Variants in SNRPB observed in about 807,000 individuals in gnomAD.
SNRPB encodes the protein small nuclear ribonucleoprotein polypeptides B and B1.
A neutral mutation model predicts 26.6 loss-of-function variants in SNRPB; 5 were observed. That is an observed-to-expected ratio of 0.19 (90% CI 0.10 to 0.39). SNRPB has a LOEUF of 0.39. Among genes scored for constraint, SNRPB ranks in the 10% least tolerant of loss-of-function variants. The pLI is 1.00. For missense variants in SNRPB, 211 were observed against 311.9 expected (o/e 0.68, Z 2.44); for synonymous variants, 122 against 105.8 (o/e 1.15, Z -0.94).
chr20:2,462,811 G>T, intron 5 of SNRPB, 50 bp from the exon 6 acceptor site: 1 of 1,466,580 alleles, frequency 6.8e-7, no homozygotes, highest in South Asian at 1.4e-5. Flanking sequence ...ATCTTGAAAA[G>T]GTAGCAAAAA....
At chr20:2,466,095 G>A (rs895723423) in intron 2 of SNRPB, among the ~76,000 whole-genome samples, 5 of 152,110 alleles carry the variant, frequency 3.3e-5, no homozygotes, top group Admixed American at 6.5e-5. Flanking sequence ...CACAGCAACC[G>A]TGAAGGCCCT....
intron 5 of SNRPB, 147 bp from the exon 6 acceptor site, chr20:2,462,908 C>A: frequency 1.1e-6 from 1 of 943,016 alleles, no homozygotes; most frequent in East Asian, 2.5e-5. Flanking sequence ...TTGAGCCTAA[C>A]ACCCAGGGCT....
intron 3 of SNRPB, among the ~76,000 whole-genome samples, chr20:2,464,574 G>C (rs1483312268): frequency 2.0e-5 from 3 of 152,152 alleles, no homozygotes; most frequent in East Asian, 3.8e-4. Context: ...TAAAAGTGTT[G>C]AGCAACTAGA....
At position 2,470,499 on chromosome 20, in the gene SNRPB, CT is replaced by C. The variant is rs1034766536; in HGVS notation, c.3+188del. On this transcript the variant is annotated intron_variant, in intron 1 of 6. Transcript: ENST00000381342. ...CTCGGCCTCCGACACCGGTTCCAAC[CT>C]TTTCCTCGACCCCATGCCTAGCCGA... Among the ~76,000 whole-genome samples, 6 of 152,310 alleles carry C rather than the reference CT, an allele frequency of 3.9e-5. No homozygotes were observed. The South Asian group carries it at 1.0e-3, about 26-fold the overall frequency.
Position 2,463,122 on chromosome 20 carries a change from G to A in SNRPB, c.526C>T (p.Pro176Ser), listed in dbSNP as rs373871174. 3 of 1,602,982 alleles carry A rather than the reference G, an allele frequency of 1.9e-6. No homozygotes were observed. The highest frequency in any genetic ancestry group is 1.7e-4 in the Middle Eastern group (1 of 6,004). ...TQYPPGRGGP[P>S]PPMGRGAPPP... ...GGTGCTCCTCGGCCCATAGGTGGGG[G>A]AGGACCCCCACGGCCAGGTGGGTAC... Residue 176 changes from proline to serine, a missense_variant, in exon 5 of 7, where the codon CCC (proline) becomes TCC (serine). Physicochemically the swap from Pro to Ser is moderately conservative, Grantham distance 74 (BLOSUM62 -1). Coordinates refer to ENST00000381342, the MANE Select transcript of SNRPB (RefSeq NM_003091.4). The surrounding 1 kb of genome is among the most constrained non-coding windows in gnomAD (Gnocchi z 5.0).
intron 5 of SNRPB, 83 bp from the exon 6 acceptor site, chr20:2,462,844 T>C: frequency 8.1e-7 from 1 of 1,231,034 alleles, no homozygotes; most frequent in Non-Finnish European, 1.1e-6. Flanking sequence ...TTCCACCAAG[T>C]TCTGAGATAG....
Position 2,463,880 on chromosome 20 carries a change from G to A in SNRPB, c.287C>T (p.Pro96Leu), listed in dbSNP as rs766877427. 2 of 1,613,428 alleles carry A rather than the reference G, an allele frequency of 1.2e-6. No individual in the cohort carries two copies. Among genetic ancestry groups the A allele is most frequent in the Non-Finnish European group, 1.7e-6 (2 of 1,179,688 alleles). Reference sequence around the variant, plus strand: ...TGGGCCCCCGGCAGCTCCAGCAAGTGGAACTCGAGCAATACCAGTCTGAAA... The same window carrying A: ...TGGGCCCCCGGCAGCTCCAGCAAGTAGAACTCGAGCAATACCAGTCTGAAA... ...PPKDTGIARV[P>L]LAGAAGGPGI... The change falls in exon 4 of 7, where the codon CCA becomes CTA. Residue 96 changes from proline (P) to leucine (L), a missense_variant. By Grantham distance (98) the Pro-to-Leu change is moderately conservative. Coordinates refer to ENST00000381342, the MANE Select transcript of SNRPB (RefSeq NM_003091.4). The surrounding 1 kb of genome is among the most constrained non-coding windows in gnomAD (Gnocchi z 5.0).
rs2085087693 is a variant in SNRPB, at chr20:2,468,302, GAGGGAAACTTCTGATGGTT to G, written c.4-563_4-545del. On this transcript the variant is annotated intron_variant, in intron 1 of 6. Coordinates refer to ENST00000381342, the MANE Select transcript of SNRPB (RefSeq NM_003091.4). ...TGTGCCTCCAAGACTATATTTGGCA[GAGGGAAACTTCTGATGGTT>G]AGGGTGCTAACCAGTTTGGACATAT... 3.9e-5 allele frequency among the ~76,000 whole-genome samples: 6 copies of G among 152,328 alleles called. No individual in the cohort carries two copies. The South Asian group carries it at 1.2e-3, about 32-fold the overall frequency.
At chr20:2,461,996 C>T in intron 6 of SNRPB, 57 bp from the exon 7 acceptor site, 1 of 1,270,956 alleles carries the variant, frequency 7.9e-7, no homozygotes. Flanking sequence ...AATCCCCAAC[C>T]CTGCCCCAGC....
At chr20:2,462,911 C>T (rs2085045836) in intron 5 of SNRPB, 150 bp from the exon 6 acceptor site, 2 of 937,180 alleles carry the variant, frequency 2.1e-6, no homozygotes, top group Non-Finnish European at 3.2e-6. Flanking sequence ...AGCCTAACAC[C>T]CAGGGCTCCC....
chr20:2,465,470 A>G (rs2085066750), intron 3 of SNRPB, among the ~76,000 whole-genome samples: 1 of 148,112 alleles, frequency 6.8e-6, no homozygotes, highest in Non-Finnish European at 1.5e-5. Flanking sequence ...GCAGGTCTCG[A>G]ACTCCTGGGC....
chr20:2,470,714 T>C lies in SNRPB; in HGVS notation c.-24A>G, dbSNP rs1455457095. On this transcript the variant is annotated 5_prime_UTR_variant, in exon 1 of 7. Transcript: ENST00000381342. ...ATGGTGGCGGTTCTGATGGCTCTGA[T>C]ACCCGCCGGATTCGCCTCCTCAGAG... is the stretch of plus-strand genomic sequence containing the variant. The C allele has an allele frequency of 1.2e-6, 2 of 1,613,090 alleles. No homozygotes were observed. Among genetic ancestry groups the C allele is most frequent in the East Asian group, 2.2e-5 (1 of 44,872 alleles).
At chr20:2,469,890 T>C (rs2085100864) in intron 1 of SNRPB, among the ~76,000 whole-genome samples, 2 of 152,210 alleles carry the variant, frequency 1.3e-5, no homozygotes, top group Non-Finnish European at 1.5e-5. Context: ...TAAATCTTGT[T>C]ACCCTTCAGC....
In SNRPB at chr20:2,464,019, T is replaced by C. The variant is rs73606142; in HGVS notation, c.268-120A>G. On this transcript the variant is annotated intron_variant, in intron 3 of 6. Coordinates refer to ENST00000381342, the MANE Select transcript of SNRPB (RefSeq NM_003091.4). ...TTATAAATACTATCGAAATAGCTTA[T>C]AAATACTACCTCTCCATGTGTGCCA... 3,753 of 827,900 alleles carry C rather than the reference T, an allele frequency of 4.5e-3. 130 individuals carry two copies. In the East Asian group the frequency reaches 0.074, roughly 16 times the overall value. The allele number at this position is 827,900 out of a possible 1,614,324, so 51.3% of individuals were successfully genotyped here. A position where few individuals can be genotyped will look rare whatever the true frequency, so the allele number is the denominator to read the frequency against.
chr20:2,465,746 G>T lies in SNRPB; in HGVS notation c.229C>A (p.Leu77Met). 6.2e-7 allele frequency: 1 copy of T among 1,613,672 alleles called. No homozygotes were observed. The highest frequency in any genetic ancestry group is 8.5e-7 in the Non-Finnish European group (1 of 1,179,904). The change falls in exon 3 of 7, where the codon CTG becomes ATG. Residue 77 changes from leucine to methionine, a missense_variant. Leu to Met is a conservative substitution (Grantham distance 15). Transcript: ENST00000381342. Reference protein sequence around the residue: ...LGLVLLRGENLVSMTVEGPPP... With the variant: ...LGLVLLRGENMVSMTVEGPPP... Reference sequence around the variant, plus strand: ...GGTCCCTCTACTGTCATTGAGACCAGATTCTCCCCTCGCAGCAGCACCAGA... The same window carrying T: ...GGTCCCTCTACTGTCATTGAGACCATATTCTCCCCTCGCAGCAGCACCAGA...
rs756701308 is a variant in SNRPB at position 2,467,753 on chromosome 20, C to T, written c.9G>A (p.Val3=). The T allele has an allele frequency of 1.2e-6, 2 of 1,613,886 alleles. No individual in the cohort carries two copies. Among genetic ancestry groups the T allele is most frequent in the Non-Finnish European group, 1.7e-6 (2 of 1,179,886 alleles). Residue 3 remains valine, a synonymous_variant, in exon 2 of 7, where the codon GTG becomes GTA. Coordinates refer to ENST00000381342, the MANE Select transcript of SNRPB (RefSeq NM_003091.4). MT[V]GKSSKMLQHI... ...GCTGCAGCATCTTGCTGCTCTTGCC[C>T]ACCGTCTGCAAGGAGAAATGGACAG...
At chr20:2,465,509 C>G (rs2085066978) in intron 3 of SNRPB, among the ~76,000 whole-genome samples, 199 bp downstream of exon 3, 1 of 151,588 alleles carries the variant, frequency 6.6e-6, no homozygotes, top group Non-Finnish European at 1.5e-5. Flanking sequence ...TCTTGCCTCC[C>G]TGAGAGCTGG....
intron 3 of SNRPB, among the ~76,000 whole-genome samples, chr20:2,465,164 C>T (rs1241722507): frequency 2.6e-5 from 4 of 152,244 alleles, no homozygotes; most frequent in Non-Finnish European, 5.9e-5. Context: ...TAACTATGAA[C>T]TGTAACTGTA....
Position 2,463,888 on chromosome 20 carries a change from A to G in SNRPB, c.279T>C (p.Ala93=). ...CGGCAGCTCCAGCAAGTGGAACTCG[A>G]GCAATACCAGTCTGAAAAATAAACA... ...EGPPPKDTGI[A]RVPLAGAAGG... Residue 93 remains alanine, a synonymous_variant, in exon 4 of 7, where the codon GCT becomes GCC. Coordinates refer to ENST00000381342, the MANE Select transcript of SNRPB (RefSeq NM_003091.4). The surrounding 1 kb of genome is among the most constrained non-coding windows in gnomAD (Gnocchi z 5.0). 6.2e-7 allele frequency: 1 copy of G among 1,613,322 alleles called. No homozygotes were observed. Among genetic ancestry groups the G allele is most frequent in the Non-Finnish European group, 8.5e-7 (1 of 1,179,604 alleles).
Sources: allele counts gnomAD v4.1 joint callset (sites outside exome capture counted in the v4.1 genomes callset), GRCh38; gene constraint gnomAD v4.1.1; non-coding constraint Gnocchi (gnomAD v3.1); transcripts MANE v1.5; gene names NCBI Gene and HGNC (gene_info 2026-07-23, HGNC 2026-07-21).